Variants in TMEM178B observed in about 807,000 individuals in gnomAD.
TMEM178B encodes the protein transmembrane protein 178B.
TMEM178B carries 5 observed loss-of-function variants against 31.0 expected under a neutral mutation model. The ratio of observed to expected loss-of-function variants is 0.16; its 90% CI spans 0.08 to 0.34. TMEM178B has a LOEUF of 0.34. Ranked by LOEUF, TMEM178B falls within the 10% of genes least tolerant of loss-of-function variation. The pLI, the probability that TMEM178B is intolerant of heterozygous loss-of-function variation, is 1.00. For missense variants in TMEM178B, 275 were observed against 400.3 expected (o/e 0.69, Z 2.67); for synonymous variants, 164 against 164.0 (o/e 1.00, Z 0.00).
intron 2 of TMEM178B, among the ~76,000 whole-genome samples, chr7:141,363,946 TA>T (rs1326362465): frequency 1.4e-5 from 2 of 146,306 alleles, no homozygotes; most frequent in Non-Finnish European, 3.0e-5. Context: ...AAAATGAAAA[TA>T]AAAAATAAAA....
At chr7:141,319,491 T>C (rs780765922) in intron 2 of TMEM178B, among the ~76,000 whole-genome samples, 14 of 152,256 alleles carry the variant, frequency 9.2e-5, no homozygotes, top group Non-Finnish European at 1.8e-4. Flanking sequence ...GGCTAACTTC[T>C]GAAGCATGCC....
At chr7:141,395,751 A>C (rs1474537676) in intron 2 of TMEM178B, among the ~76,000 whole-genome samples, 2 of 152,058 alleles carry the variant, frequency 1.3e-5, no homozygotes, top group African/African-American at 4.8e-5. Context: ...ACACATATGG[A>C]TTTCTATATC....
At chr7:141,450,653 G>T (rs1278251385) in intron 3 of TMEM178B, among the ~76,000 whole-genome samples, 1 of 152,176 alleles carries the variant, frequency 6.6e-6, no homozygotes, top group Non-Finnish European at 1.5e-5. Context: ...TTAAAGGGAG[G>T]ATAAGGTCTC....
intron 1 of TMEM178B, among the ~76,000 whole-genome samples, chr7:141,127,627 T>G (rs1795521299): frequency 6.6e-6 from 1 of 152,174 alleles, no homozygotes. Flanking sequence ...AGGAGTCAGT[T>G]CTGCAGACAC....
At chr7:141,245,770 G>A (rs1446411413) in intron 2 of TMEM178B, among the ~76,000 whole-genome samples, 2 of 152,198 alleles carry the variant, frequency 1.3e-5, no homozygotes, top group Non-Finnish European at 2.9e-5. Context: ...GGCATGCTGT[G>A]AGTCGATCTT....
chr7:141,411,018 G>T (rs1800977792), intron 2 of TMEM178B, among the ~76,000 whole-genome samples: 2 of 152,042 alleles, frequency 1.3e-5, no homozygotes, highest in South Asian at 2.1e-4. Flanking sequence ...AATGCATAGA[G>T]AAATTAGAAT....
intron 2 of TMEM178B, among the ~76,000 whole-genome samples, chr7:141,388,514 C>T (rs1800473934): frequency 1.3e-5 from 2 of 152,148 alleles, no homozygotes; most frequent in Non-Finnish European, 2.9e-5. Context: ...TTCTTTCTTC[C>T]TCCTGAGGTT....
intron 2 of TMEM178B, among the ~76,000 whole-genome samples, chr7:141,330,817 C>A (rs1265648714): frequency 6.6e-6 from 1 of 152,174 alleles, no homozygotes; most frequent in East Asian, 1.9e-4. Context: ...GAGAAGAGGG[C>A]AGTAACAGAG....
chr7:141,401,618 C>T (rs6979552), intron 2 of TMEM178B, among the ~76,000 whole-genome samples: 4,075 of 151,952 alleles, frequency 0.027, 112 homozygotes, highest in African/African-American at 0.062. Context: ...GATGGAGTTA[C>T]GGTATGTTGC....
At chr7:141,174,269 A>G (rs547560161) in intron 1 of TMEM178B, among the ~76,000 whole-genome samples, 4 of 152,162 alleles carry the variant, frequency 2.6e-5, no homozygotes, top group Non-Finnish European at 5.9e-5. Context: ...AGCGTCATCC[A>G]TGTCCCTGCA....
At chr7:141,234,196 AACTT>A (rs1797491618) in intron 2 of TMEM178B, among the ~76,000 whole-genome samples, 1 of 152,176 alleles carries the variant, frequency 6.6e-6, no homozygotes, top group Non-Finnish European at 1.5e-5. Flanking sequence ...TGTTGTGTAA[AACTT>A]AAAGTGTCTA....
chr7:141,195,921 TACTC>T (rs534280711), intron 1 of TMEM178B, among the ~76,000 whole-genome samples: 5 of 152,100 alleles, frequency 3.3e-5, no homozygotes, highest in Non-Finnish European at 7.4e-5. Context: ...TCATGAGACT[TACTC>T]ACTATCACAA....
chr7:141,148,218 C>T (rs760789156), intron 1 of TMEM178B, among the ~76,000 whole-genome samples: 9 of 152,158 alleles, frequency 5.9e-5, no homozygotes, highest in Non-Finnish European at 8.8e-5. Context: ...CAACTTTAAC[C>T]TTCTTGCCTC....
chr7:141,442,056 G>T (rs1032186310), intron 3 of TMEM178B, among the ~76,000 whole-genome samples: 4 of 152,190 alleles, frequency 2.6e-5, no homozygotes, highest in African/African-American at 9.7e-5. Flanking sequence ...ACATTCAGAA[G>T]CTCAGGAACA....
At position 141,296,074 on chromosome 7, in the gene TMEM178B, CT is replaced by C. The variant is rs139584498; in HGVS notation, c.496+83383del. Among the ~76,000 whole-genome samples the C allele has an allele frequency of 4.5e-3, 655 of 145,716 alleles. 1 individual carries two copies. The highest frequency in any genetic ancestry group is 8.5e-3 in the African/African-American group (338 of 39,968). On this transcript the variant is annotated intron_variant, in intron 2 of 3. Coordinates refer to ENST00000565468, the MANE Select transcript of TMEM178B (RefSeq NM_001195278.2). ...CACTGCAGCCAAAGGGGAAGCAGTA[CT>C]TTTTTTTTTTTTGACAGGGTCTCAC...
Position 141,344,555 on chromosome 7 carries a change from C to T in TMEM178B, c.497-93053C>T, listed in dbSNP as rs1272744247. Among the ~76,000 whole-genome samples the T allele has an allele frequency of 6.6e-6, 1 of 151,070 alleles. No homozygotes were observed. The highest frequency in any genetic ancestry group is 1.5e-5 in the Non-Finnish European group (1 of 67,886). ...CTGGGATTTTAGTTTCTCCCTCCCT[C>T]CCTCCATTCCTCCCTCCTCCCTTCC... is the stretch of plus-strand genomic sequence containing the variant. On this transcript the variant is annotated intron_variant, in intron 2 of 3. Coordinates refer to ENST00000565468, the MANE Select transcript of TMEM178B (RefSeq NM_001195278.2). This position sits in a 1 kb window ranked among gnomAD's most constrained non-coding sequence, Gnocchi z 4.1.
Position 141,168,917 on chromosome 7 carries a change from A to C in TMEM178B, c.383-43674A>C, listed in dbSNP as rs185755732. 2.9e-3 allele frequency among the ~76,000 whole-genome samples: 444 copies of C among 152,342 alleles called. 3 individuals carry two copies. The highest frequency in any genetic ancestry group is 0.01 in the Middle Eastern group (3 of 294). On this transcript the variant is annotated intron_variant, in intron 1 of 3. Transcript: ENST00000565468. ...TTTTGATACAAGCATACAATGTGTA[A>C]TGATCAAATCAGAGCAATTGGGATA...
intron 2 of TMEM178B, among the ~76,000 whole-genome samples, chr7:141,255,683 T>C (rs540019775): frequency 6.6e-6 from 1 of 152,204 alleles, no homozygotes; most frequent in African/African-American, 2.4e-5. Context: ...AACCTAATCC[T>C]GTACCGATAT....
intron 3 of TMEM178B, among the ~76,000 whole-genome samples, chr7:141,452,733 A>AT (rs969831588): frequency 6.6e-6 from 1 of 152,354 alleles, no homozygotes; most frequent in African/African-American, 2.4e-5. Context: ...AAGTTAATAT[A>AT]TTAAAAAAAA....
Sources: allele counts gnomAD v4.1 joint callset (sites outside exome capture counted in the v4.1 genomes callset), GRCh38; gene constraint gnomAD v4.1.1; non-coding constraint Gnocchi (gnomAD v3.1); transcripts MANE v1.5; gene names NCBI Gene and HGNC (gene_info 2026-07-23, HGNC 2026-07-21).